AGAP1: variants seen among roughly 807,000 people sequenced by gnomAD.
AGAP1 encodes the protein ArfGAP with GTPase domain, ankyrin repeat and PH domain 1.
A neutral mutation model predicts 105.3 loss-of-function variants in AGAP1; 29 were observed. The ratio of observed to expected loss-of-function variants is 0.28; its 90% CI spans 0.21 to 0.38. The LOEUF (loss-of-function observed/expected upper bound fraction) is 0.38. Among genes scored for constraint, AGAP1 ranks in the 10% least tolerant of loss-of-function variants. The pLI is 1.00. For synonymous variants in AGAP1, 509 were observed against 485.9 expected, an observed-to-expected ratio of 1.05 and a Z score of -0.63; for missense variants, 998 against 1,165.1, an observed-to-expected ratio of 0.86 and a Z score of 2.09.
intron 13 of AGAP1, among the ~76,000 whole-genome samples, chr2:236,032,315 C>T (rs1235638479): frequency 6.6e-6 from 1 of 152,232 alleles, no homozygotes; most frequent in East Asian, 1.9e-4. Flanking sequence ...TACCCCTTAG[C>T]TGTGAATCCA....
chr2:235,702,785 T>C (rs1950318060), intron 1 of AGAP1, among the ~76,000 whole-genome samples: 1 of 147,106 alleles, frequency 6.8e-6, no homozygotes, highest in Non-Finnish European at 1.5e-5. Context: ...CAGGAACATC[T>C]CCTCCTGGCT....
chr2:235,749,475 T>TG (rs993441708), intron 5 of AGAP1, among the ~76,000 whole-genome samples: 1 of 151,886 alleles, frequency 6.6e-6, no homozygotes, highest in African/African-American at 2.4e-5. Context: ...TGACTTAGAT[T>TG]GGGGGGATCC....
rs981193511 is a variant in AGAP1, at chr2:236,045,885, T to G, written c.1892-3174T>G. 3.3e-5 allele frequency: 15 copies of G among 460,474 alleles called. No homozygotes were observed. The highest frequency in any genetic ancestry group is 6.4e-5 in the Non-Finnish European group (14 of 219,106). The allele number at this position is 460,474 out of a possible 1,614,324, so 28.5% of individuals were successfully genotyped here. ...TTACCTGTCTCTAAGCAGAGGGTGG[T>G]GAGCATGGGGCCCTGGAACACTGTG... On this transcript the variant is annotated intron_variant, in intron 15 of 17. Coordinates refer to ENST00000304032, the MANE Select transcript of AGAP1 (RefSeq NM_001037131.3). This position sits in a 1 kb window ranked among gnomAD's most constrained non-coding sequence, Gnocchi z 6.9.
Position 235,777,222 on chromosome 2 carries a change from C to T in AGAP1, c.674-20537C>T, listed in dbSNP as rs922812401. On this transcript the variant is annotated intron_variant, in intron 6 of 17. Coordinates refer to ENST00000304032, the MANE Select transcript of AGAP1 (RefSeq NM_001037131.3). This position sits in a 1 kb window ranked among gnomAD's most constrained non-coding sequence, Gnocchi z 5.1. ...AAATACAAAAAATTAGCCAGGCGTG[C>T]GCCTGTAATCCCAGCTACTCGGGAG... is the stretch of plus-strand genomic sequence containing the variant. Among the ~76,000 whole-genome samples, 8 of 152,270 alleles carry T rather than the reference C, an allele frequency of 5.3e-5. 1 individual carries two copies. Among genetic ancestry groups the T allele is most frequent in the Middle Eastern group, 6.8e-3 (2 of 294 alleles).
chr2:236,099,851 C>T (rs190076607), intron 16 of AGAP1, among the ~76,000 whole-genome samples: 1 of 152,170 alleles, frequency 6.6e-6, no homozygotes, highest in African/African-American at 2.4e-5. Flanking sequence ...ACCAGCTTAA[C>T]CAATATGGTG....
At chr2:235,726,275 G>A (rs1268442070) in intron 3 of AGAP1, among the ~76,000 whole-genome samples, 1 of 152,204 alleles carries the variant, frequency 6.6e-6, no homozygotes, top group African/African-American at 2.4e-5. Context: ...GCGCACAGAG[G>A]CTCATGTGTG....
chr2:235,570,890 A>C (rs1185134877), intron 1 of AGAP1, among the ~76,000 whole-genome samples: 1 of 152,242 alleles, frequency 6.6e-6, no homozygotes, highest in Non-Finnish European at 1.5e-5. Flanking sequence ...CTGTTCTCAC[A>C]CGGCTATAAA....
intron 1 of AGAP1, among the ~76,000 whole-genome samples, chr2:235,579,118 G>T (rs941221202): frequency 6.6e-6 from 1 of 152,140 alleles, no homozygotes; most frequent in Admixed American, 6.5e-5. Flanking sequence ...ACAGTGGAGC[G>T]CTCATTTTTG....
intron 1 of AGAP1, among the ~76,000 whole-genome samples, chr2:235,554,363 C>T (rs4640342): frequency 0.12 from 18,660 of 152,222 alleles, 1,488 homozygotes; most frequent in African/African-American, 0.22. Flanking sequence ...CTCCCAGGGC[C>T]CAGGGGTGAG....
chr2:235,836,003 T>A (rs1181367170), intron 9 of AGAP1, among the ~76,000 whole-genome samples: 1 of 152,234 alleles, frequency 6.6e-6, no homozygotes, highest in Non-Finnish European at 1.5e-5. Flanking sequence ...AAGCATTGTT[T>A]ACAGAACCTG....
chr2:235,908,540 A>G lies in AGAP1; in HGVS notation c.1156-198A>G, dbSNP rs1424931466. On this transcript the variant is annotated intron_variant, in intron 10 of 17. Coordinates refer to ENST00000304032, the MANE Select transcript of AGAP1 (RefSeq NM_001037131.3). This position sits in a 1 kb window ranked among gnomAD's most constrained non-coding sequence, Gnocchi z 4.4. Reference sequence around the variant, plus strand: ...GGTCCTGGATTAGTTCAGGACACAGAAGCAAAACTCTGATTTAAATATAAT... The same window carrying G: ...GGTCCTGGATTAGTTCAGGACACAGGAGCAAAACTCTGATTTAAATATAAT... Among the ~76,000 whole-genome samples, 1 of 152,144 alleles carries G rather than the reference A, an allele frequency of 6.6e-6. No homozygotes were observed. Among genetic ancestry groups the G allele is most frequent in the Non-Finnish European group, 1.5e-5 (1 of 68,034 alleles).
In AGAP1 at chr2:235,549,245, C is replaced by G. The variant is rs1029379414; in HGVS notation, c.163+54396C>G. On this transcript the variant is annotated intron_variant, in intron 1 of 17. Coordinates refer to ENST00000304032, the MANE Select transcript of AGAP1 (RefSeq NM_001037131.3). This position sits in a 1 kb window ranked among gnomAD's most constrained non-coding sequence, Gnocchi z 4.2. ...AATACAAACTAGAAGGGCCTGGTTT[C>G]TGTAGGTGACAAAGCTGGGGGGAAC... 1.3e-5 allele frequency among the ~76,000 whole-genome samples: 2 copies of G among 152,194 alleles called. No individual in the cohort carries two copies. The highest frequency in any genetic ancestry group is 4.8e-5 in the African/African-American group (2 of 41,444).
Position 235,979,332 on chromosome 2 carries a change from C to G in AGAP1, c.1645+10709C>G, listed in dbSNP as rs1362273036. Among the ~76,000 whole-genome samples the G allele has an allele frequency of 6.6e-6, 1 of 151,906 alleles. No individual in the cohort carries two copies. Among genetic ancestry groups the G allele is most frequent in the Non-Finnish European group, 1.5e-5 (1 of 67,970 alleles). On this transcript the variant is annotated intron_variant, in intron 13 of 17. Transcript: ENST00000304032. The surrounding 1 kb of genome is among the most constrained non-coding windows in gnomAD (Gnocchi z 4.5). ...GGGAGGAGGGTGGTGATTGATTAAGCCCCCCTGTCGTTCATTTGAATCCTG... is the reference window on the plus strand; with the variant it reads ...GGGAGGAGGGTGGTGATTGATTAAGGCCCCCTGTCGTTCATTTGAATCCTG...
chr2:235,802,818 T>TG (rs879559027), intron 8 of AGAP1, among the ~76,000 whole-genome samples: 147,810 of 148,910 alleles, frequency 0.99, 73,356 homozygotes, highest in East Asian at 1. Context: ...GTGGTGGTGA[T>TG]GTTGTGGTTG....
At chr2:235,758,875 C>G (rs1478038518) in intron 6 of AGAP1, among the ~76,000 whole-genome samples, 1 of 152,322 alleles carries the variant, frequency 6.6e-6, no homozygotes, top group African/African-American at 2.4e-5. Flanking sequence ...TCACTGCAAC[C>G]TCTGCCTTCT....
intron 13 of AGAP1, among the ~76,000 whole-genome samples, chr2:235,972,213 T>C (rs1296812740): frequency 6.6e-6 from 1 of 152,254 alleles, no homozygotes; most frequent in Non-Finnish European, 1.5e-5. Context: ...GAATTACAGA[T>C]ATAAAACTTC....
At position 236,027,148 on chromosome 2, in the gene AGAP1, C is replaced by T. The variant is rs2057080047; in HGVS notation, c.1646-9413C>T. On this transcript the variant is annotated intron_variant, in intron 13 of 17. Coordinates refer to ENST00000304032, the MANE Select transcript of AGAP1 (RefSeq NM_001037131.3). The surrounding 1 kb of genome is among the most constrained non-coding windows in gnomAD (Gnocchi z 4.4). ...ATGCAGTTGCTCTATAATCCTTGTA[C>T]TTATTTTTTTTAATCTTGGGAGGCA... 6.6e-6 allele frequency among the ~76,000 whole-genome samples: 1 copy of T among 152,092 alleles called. No individual in the cohort carries two copies. The highest frequency in any genetic ancestry group is 2.4e-5 in the African/African-American group (1 of 41,402).
intron 9 of AGAP1, among the ~76,000 whole-genome samples, chr2:235,827,508 A>T (rs1959137420): frequency 6.6e-6 from 1 of 152,234 alleles, no homozygotes; most frequent in African/African-American, 2.4e-5. Context: ...AATGGTTCAC[A>T]TTGAGTAGGT....
At position 236,126,740 on chromosome 2, in the gene AGAP1, G is replaced by A. The variant is rs1023040161; in HGVS notation, c.*2618G>A. 9 of 152,148 alleles carry A rather than the reference G, an allele frequency of 5.9e-5. No homozygotes were observed. Among genetic ancestry groups the A allele is most frequent in the Non-Finnish European group, 1.2e-4 (8 of 68,028 alleles). 9.4% of individuals were successfully genotyped at this position (152,148 alleles called of 1,614,324 possible). A position where few individuals can be genotyped will look rare whatever the true frequency, so the allele number is the denominator to read the frequency against. ...TAGGGCCCAAGTTTTGGTAGCAGAA[G>A]GAAAGGCAGTTTTTGAGGGTCTTTC... On this transcript the variant is annotated 3_prime_UTR_variant, in exon 18 of 18. Transcript: ENST00000304032.
Sources: gnomAD v4.1 joint callset for allele counts (sites outside exome capture counted in the v4.1 genomes callset) on GRCh38, gnomAD v4.1.1 for gene constraint, Gnocchi (gnomAD v3.1) non-coding constraint, MANE v1.5 for transcripts, NCBI Gene and HGNC (gene_info 2026-07-23, HGNC 2026-07-21) for gene names.